ADCY8: variants seen among roughly 807,000 people sequenced by gnomAD.
ADCY8 encodes the protein adenylate cyclase 8.
In ADCY8, 51 loss-of-function variants were observed where a neutral mutation model predicts 119.7. The ratio of observed to expected loss-of-function variants is 0.43; its 90% CI spans 0.34 to 0.54. The LOEUF (loss-of-function observed/expected upper bound fraction) is 0.54, where lower values mean the gene tolerates loss of function less well. Ranked by LOEUF, ADCY8 falls within the 20% of genes least tolerant of loss-of-function variation. The pLI, the probability that ADCY8 is intolerant of heterozygous loss-of-function variation, is 0.03. For synonymous variants in ADCY8, 665 were observed against 651.0 expected (o/e 1.02, Z -0.33); for missense variants, 1,383 against 1,598.8 (o/e 0.87, Z 2.30).
Position 130,845,650 on chromosome 8 carries a change from C to G in ADCY8, c.2502+1774G>C, listed in dbSNP as rs192308280. On this transcript the variant is annotated intron_variant, in intron 11 of 17. Transcript: ENST00000286355. The stretch of plus-strand genomic sequence containing the variant: ...CAGAGTACACTAAGCTGGGACTCCA[C>G]TCATTCCTAGGTAGAAGGGAGTCCC... Among the ~76,000 whole-genome samples the G allele has an allele frequency of 4.4e-4, 67 of 152,254 alleles. 1 individual carries two copies. Among genetic ancestry groups the G allele is most frequent in the Admixed American group, 3.9e-3 (59 of 15,288 alleles).
At chr8:130,810,347 TACACACACAC>T (rs58781726) in intron 14 of ADCY8, among the ~76,000 whole-genome samples, 1,591 of 142,746 alleles carry the variant, frequency 0.011, 31 homozygotes, top group Non-Finnish European at 0.011. Flanking sequence ...TCTCTTTTTC[TACACACACAC>T]ACACACACAC....
At chr8:130,829,896 A>T (rs1816777500) in intron 12 of ADCY8, among the ~76,000 whole-genome samples, 1 of 152,204 alleles carries the variant, frequency 6.6e-6, no homozygotes, top group Non-Finnish European at 1.5e-5. Flanking sequence ...GCTGACAGCA[A>T]TCAAACTCCA....
At chr8:130,920,446 A>G (rs1014141547) in intron 5 of ADCY8, among the ~76,000 whole-genome samples, 18 of 152,210 alleles carry the variant, frequency 1.2e-4, no homozygotes, top group Admixed American at 3.3e-4. Context: ...CTGTGGTCAC[A>G]CTAGACTCCC....
intron 1 of ADCY8, among the ~76,000 whole-genome samples, chr8:131,024,113 G>A (rs932915913): frequency 2.0e-5 from 3 of 152,176 alleles, no homozygotes; most frequent in Non-Finnish European, 4.4e-5. Flanking sequence ...TGCCAGCAAT[G>A]GCCCAGGGCA....
intron 17 of ADCY8, among the ~76,000 whole-genome samples, chr8:130,781,214 G>T (rs72712426): frequency 0.047 from 7,168 of 152,268 alleles, 237 homozygotes; most frequent in Middle Eastern, 0.18. Flanking sequence ...GTCTTAGTCT[G>T]TGAGATGATC....
intron 10 of ADCY8, among the ~76,000 whole-genome samples, chr8:130,849,250 A>G (rs762170797): frequency 9.2e-5 from 14 of 152,192 alleles, no homozygotes; most frequent in Admixed American, 2.6e-4. Flanking sequence ...AAAAATATGT[A>G]AAGGTCCTCC....
At chr8:130,800,355 T>A in intron 15 of ADCY8, 71 bp downstream of exon 15, 3 of 1,540,732 alleles carry the variant, frequency 1.9e-6, no homozygotes, top group Non-Finnish European at 2.7e-6. Context: ...AAGTAATTCC[T>A]ACAATGAATA....
At chr8:130,986,875 A>T (rs1311439878) in intron 2 of ADCY8, among the ~76,000 whole-genome samples, 2 of 152,232 alleles carry the variant, frequency 1.3e-5, no homozygotes, top group African/African-American at 4.8e-5. Flanking sequence ...ATTCCACTTA[A>T]GAGGTTCACA....
chr8:131,038,858 A>G (rs1387236641), intron 1 of ADCY8, among the ~76,000 whole-genome samples: 1 of 152,158 alleles, frequency 6.6e-6, no homozygotes, highest in Non-Finnish European at 1.5e-5. Context: ...CACGTACAGT[A>G]CTCAGCACTG....
At chr8:130,855,917 C>T (rs1042308363) in intron 9 of ADCY8, among the ~76,000 whole-genome samples, 2 of 152,196 alleles carry the variant, frequency 1.3e-5, no homozygotes, top group African/African-American at 4.8e-5. Flanking sequence ...CATCCCCGTT[C>T]AGTATGATCC....
At chr8:130,884,811 A>G in intron 7 of ADCY8, 50 bp from the exon 8 acceptor site, 2 of 1,551,364 alleles carry the variant, frequency 1.3e-6, no homozygotes, top group South Asian at 1.1e-5. Context: ...TCCCCTTTAG[A>G]TAAAACAGAA....
chr8:130,850,689 A>C (rs1236692918), intron 9 of ADCY8, among the ~76,000 whole-genome samples: 4 of 152,010 alleles, frequency 2.6e-5, no homozygotes, highest in African/African-American at 9.7e-5. Context: ...TTTTTCTATA[A>C]ATTGAGGTTT....
intron 1 of ADCY8, among the ~76,000 whole-genome samples, chr8:131,028,956 T>C (rs2130806070): frequency 6.6e-6 from 1 of 151,916 alleles, no homozygotes; most frequent in African/African-American, 2.4e-5. Context: ...GCCCAGGAAG[T>C]GATTTCCAGT....
intron 1 of ADCY8, among the ~76,000 whole-genome samples, chr8:130,992,405 A>AGCAACTGTGCC: frequency 6.3e-5 from 2 of 31,962 alleles, no homozygotes; most frequent in African/African-American, 2.5e-4. Flanking sequence ...ATATATATAT[A>AGCAACTGTGCC]TATATATATA....
intron 5 of ADCY8, among the ~76,000 whole-genome samples, chr8:130,917,738 CA>C (rs1820172874): frequency 6.6e-6 from 1 of 150,678 alleles, no homozygotes. Flanking sequence ...GGCCCTAACT[CA>C]GGGGTGAGGG....
intron 8 of ADCY8, among the ~76,000 whole-genome samples, chr8:130,882,681 A>G (rs1319140030): frequency 2.0e-5 from 3 of 152,212 alleles, no homozygotes; most frequent in Non-Finnish European, 4.4e-5. Context: ...AATGAAGCTC[A>G]TAATAACATC....
chr8:130,802,630 T>A, intron 14 of ADCY8, among the ~76,000 whole-genome samples: 1 of 152,194 alleles, frequency 6.6e-6, no homozygotes, highest in East Asian at 1.9e-4. Flanking sequence ...AACTCCCCAG[T>A]TGGATATGTG....
At chr8:130,832,210 G>A (rs1168274567) in intron 12 of ADCY8, among the ~76,000 whole-genome samples, 1 of 152,128 alleles carries the variant, frequency 6.6e-6, no homozygotes, top group East Asian at 1.9e-4. Context: ...AGGGGTAAGG[G>A]TGCCTCTCCT....
At chr8:130,887,271 C>T (rs960986542) in intron 7 of ADCY8, among the ~76,000 whole-genome samples, 2 of 152,130 alleles carry the variant, frequency 1.3e-5, no homozygotes, top group African/African-American at 2.4e-5. Context: ...AAATCTCCTC[C>T]TTTCGAAACT....
Sources: gnomAD v4.1 joint callset for allele counts (sites outside exome capture counted in the v4.1 genomes callset) on GRCh38, gnomAD v4.1.1 for gene constraint, MANE v1.5 for transcripts, NCBI Gene and HGNC (gene_info 2026-07-23, HGNC 2026-07-21) for gene names.